The following BPTF variants were observed in gnomAD, a reference collection of about 807,000 sequenced individuals.
BPTF encodes nucleosome-remodeling factor subunit BPTF.
Under a neutral mutation model 292.5 loss-of-function variants are expected in BPTF, and 18 were observed. The observed-to-expected ratio is 0.06, with a 90% confidence interval of 0.04 to 0.09. The LOEUF (loss-of-function observed/expected upper bound fraction) is 0.09. BPTF is among the 10% of genes least tolerant of loss of function. The pLI is 1.00. For synonymous variants in BPTF, 1,225 were observed against 1,251.9 expected (o/e 0.98, Z 0.45); for missense variants, 2,726 against 3,498.7 (o/e 0.78, Z 5.57).
At chr17:67,963,420 G>A (rs1201975810) in intron 24 of BPTF, 2 of 1,536,040 alleles carry the variant, frequency 1.3e-6, no homozygotes, top group Non-Finnish European at 1.7e-6. Context: ...AAATGGATGT[G>A]TACATCTGTA....
intron 4 of BPTF, among the ~76,000 whole-genome samples, chr17:67,881,421 G>A (rs1291493824): frequency 3.3e-5 from 5 of 151,194 alleles, no homozygotes; most frequent in African/African-American, 9.7e-5. Context: ...ATTGATCAAC[G>A]AGTTTAGGTG....
At chr17:67,928,170 C>T (rs947590815) in intron 15 of BPTF, among the ~76,000 whole-genome samples, 185 bp from the exon 16 acceptor site, 14 of 152,050 alleles carry the variant, frequency 9.2e-5, no homozygotes, top group African/African-American at 3.4e-4. Context: ...AGGTGTGAGC[C>T]ACCGCAGCCA....
At chr17:67,886,252 A>G (rs1009365909) in intron 4 of BPTF, 1 of 1,613,978 alleles carries the variant, frequency 6.2e-7, no homozygotes, top group East Asian at 2.2e-5. Flanking sequence ...CTGCTAAGGC[A>G]GCTGATGATC....
At chr17:67,915,592 A>G (rs1255041260) in intron 11 of BPTF, among the ~76,000 whole-genome samples, 1 of 152,136 alleles carries the variant, frequency 6.6e-6, no homozygotes, top group Non-Finnish European at 1.5e-5. Context: ...CTCCAGTCAT[A>G]AAACACTGGA....
intron 26 of BPTF, among the ~76,000 whole-genome samples, chr17:67,973,161 T>G (rs1429745552): frequency 6.7e-6 from 1 of 148,804 alleles, no homozygotes; most frequent in Non-Finnish European, 1.5e-5. Flanking sequence ...GATCACGAGG[T>G]CAGGAGATTG....
At chr17:67,916,781 A>AAG (rs1332685328) in intron 11 of BPTF, among the ~76,000 whole-genome samples, 79 of 151,632 alleles carry the variant, frequency 5.2e-4, no homozygotes, top group African/African-American at 1.7e-3. Context: ...AAAAAAAAAA[A>AAG]AAAAGAAAGC....
chr17:67,950,072 AC>A (rs1344396893), intron 23 of BPTF, among the ~76,000 whole-genome samples: 2,068 of 149,380 alleles, frequency 0.014, 62 homozygotes, highest in African/African-American at 0.049. Flanking sequence ...AAAAAAAAAA[AC>A]ATTTCATAAC....
At chr17:67,975,637 T>G in intron 26 of BPTF, 135 bp from the exon 27 acceptor site, 1 of 626,978 alleles carries the variant, frequency 1.6e-6, no homozygotes, top group Non-Finnish European at 2.5e-6. Flanking sequence ...AATTGCAAAA[T>G]AACCTCCAGG....
intron 4 of BPTF, among the ~76,000 whole-genome samples, chr17:67,879,100 C>T (rs1459027889): frequency 6.7e-6 from 1 of 148,238 alleles, no homozygotes; most frequent in African/African-American, 2.5e-5. Flanking sequence ...TGAGTTGGTA[C>T]TAGAAGAGTT....
intron 24 of BPTF, chr17:67,960,159 A>C: frequency 3.5e-6 from 1 of 283,840 alleles, no homozygotes; most frequent in Non-Finnish European, 6.6e-6. Flanking sequence ...ATTAACTCCA[A>C]ATCAGTGAGT....
In BPTF at chr17:67,931,063, G is replaced by A. The variant is rs528496927; in HGVS notation, c.6151-848G>A. ...GGGCGGATCACAAGGTCAAGAGATCGAAACCATCCTGGTCAATATGGTGAA... is the reference window on the plus strand; with the variant it reads ...GGGCGGATCACAAGGTCAAGAGATCAAAACCATCCTGGTCAATATGGTGAA... On this transcript the variant is annotated intron_variant, in intron 17 of 27. Coordinates refer to ENST00000306378, the MANE Select transcript of BPTF (RefSeq NM_182641.4). 7.2e-5 allele frequency among the ~76,000 whole-genome samples: 11 copies of A among 152,210 alleles called. No individual in the cohort carries two copies. In the South Asian group the frequency reaches 2.3e-3, roughly 32 times the overall value.
chr17:67,876,744 T>A (rs2060072907), intron 4 of BPTF, among the ~76,000 whole-genome samples: 1 of 152,142 alleles, frequency 6.6e-6, no homozygotes, highest in Admixed American at 6.5e-5. Flanking sequence ...AGGTAGAGGT[T>A]GCAGTGAGCT....
intron 3 of BPTF, among the ~76,000 whole-genome samples, chr17:67,871,698 A>G (rs2059747687): frequency 6.6e-6 from 1 of 152,314 alleles, no homozygotes; most frequent in South Asian, 2.1e-4. Context: ...CAAAGTATAG[A>G]ATATACTTGT....
At chr17:67,920,164 C>A in intron 13 of BPTF, 21 bp downstream of exon 13, 2 of 1,600,034 alleles carry the variant, frequency 1.2e-6, no homozygotes, top group Non-Finnish European at 1.7e-6. Context: ...GAATTCTATT[C>A]TTTCATGATT....
intron 23 of BPTF, chr17:67,957,211 A>C (rs2067040020): frequency 6.6e-6 from 1 of 152,480 alleles, no homozygotes; most frequent in South Asian, 2.1e-4. Flanking sequence ...TGAACCCAGG[A>C]GGCAGAGGTT....
chr17:67,917,851 G>T (rs745927552), intron 11 of BPTF, among the ~76,000 whole-genome samples: 1 of 151,684 alleles, frequency 6.6e-6, no homozygotes, highest in Admixed American at 6.6e-5. Context: ...TCGCTCTGTC[G>T]CCTAGGCTGG....
At chr17:67,860,109 T>G (rs1457581919) in intron 2 of BPTF, among the ~76,000 whole-genome samples, 1 of 152,224 alleles carries the variant, frequency 6.6e-6, no homozygotes, top group Admixed American at 6.5e-5. Context: ...ACTGCACAGA[T>G]TTTAAAGATG....
chr17:67,968,847 T>C (rs1170592450), intron 26 of BPTF, among the ~76,000 whole-genome samples: 1 of 150,150 alleles, frequency 6.7e-6, no homozygotes, highest in Non-Finnish European at 1.5e-5. Flanking sequence ...CCCGGCGTGG[T>C]GGCACATGCC....
intron 7 of BPTF, among the ~76,000 whole-genome samples, chr17:67,895,332 CAAA>C (rs35234780): frequency 0.093 from 5,200 of 56,062 alleles, 200 homozygotes; most frequent in African/African-American, 0.28. Flanking sequence ...GACTTCATCT[CAAA>C]AAAAAAAAAA....
Sources: allele counts gnomAD v4.1 joint callset (sites outside exome capture counted in the v4.1 genomes callset), GRCh38; gene constraint gnomAD v4.1.1; transcripts MANE v1.5; gene names NCBI Gene and HGNC (gene_info 2026-07-23, HGNC 2026-07-21).